MYO1E: variants seen among roughly 807,000 people sequenced by gnomAD.
MYO1E encodes the protein unconventional myosin-Ie.
A neutral mutation model predicts 151.1 loss-of-function variants in MYO1E; 68 were observed. That is an observed-to-expected ratio of 0.45 (90% CI 0.37 to 0.55). The LOEUF (loss-of-function observed/expected upper bound fraction) is 0.55. Among genes scored for constraint, MYO1E ranks in the 20% least tolerant of loss-of-function variants. The pLI is 0.00. For missense variants in MYO1E, 1,363 were observed against 1,389.3 expected (o/e 0.98, Z 0.30); for synonymous variants, 601 against 501.7 (o/e 1.20, Z -2.64).
At position 59,133,892 on chromosome 15, in the gene MYO1E, G is replaced by C. The variant is rs1439864584; in HGVS notation, c.*3488C>G. 6.6e-6 allele frequency: 1 copy of C among 152,260 alleles called. No homozygotes were observed. The allele number at this position is 152,260 out of a possible 1,614,324, so 9.4% of individuals were successfully genotyped here. Reference sequence around the variant, plus strand: ...AGGGTCTGGGGATGAGTTCAGGAGGGAGTCGCAAAGAGAAGGAATTTAGAT... The same window carrying C: ...AGGGTCTGGGGATGAGTTCAGGAGGCAGTCGCAAAGAGAAGGAATTTAGAT... On this transcript the variant is annotated 3_prime_UTR_variant, in exon 28 of 28. Transcript: ENST00000288235.
At chr15:59,137,585 C>T (rs2079381056) in intron 27 of MYO1E, 129 bp from the exon 28 acceptor site, 2 of 797,062 alleles carry the variant, frequency 2.5e-6, no homozygotes, top group East Asian at 2.6e-5. Context: ...TTCTTTAAAT[C>T]AAAAAGTTTG....
Position 59,207,898 on chromosome 15 carries a change from C to T in MYO1E, c.1530+783G>A, listed in dbSNP as rs878975762. On this transcript the variant is annotated intron_variant, in intron 14 of 27. Transcript: ENST00000288235. ...TATTTTGAAGAATCTTAGGAGAATA[C>T]ATCCAGTTTCCACCATAATTAAGGG... The T allele has an allele frequency of 6.2e-7, 1 of 1,614,120 alleles. No homozygotes were observed. Among genetic ancestry groups the T allele is most frequent in the South Asian group, 1.1e-5 (1 of 91,078 alleles).
At chr15:59,368,980 G>T (rs7173362) in intron 1 of MYO1E, among the ~76,000 whole-genome samples, 1 of 152,016 alleles carries the variant, frequency 6.6e-6, no homozygotes, top group Non-Finnish European at 1.5e-5. Flanking sequence ...TTTCCCCAAC[G>T]CTTTGCCTCC....
chr15:59,372,390 C>A, intron 1 of MYO1E, 108 bp downstream of exon 1: 1 of 1,384,008 alleles, frequency 7.2e-7, no homozygotes, highest in Non-Finnish European at 9.9e-7. Flanking sequence ...CCGCGTCCAC[C>A]TTCTCCACCC....
At chr15:59,213,696 A>G (rs995564150) in intron 12 of MYO1E, among the ~76,000 whole-genome samples, 1 of 151,886 alleles carries the variant, frequency 6.6e-6, no homozygotes, top group South Asian at 2.1e-4. Flanking sequence ...CCCGGGCTCA[A>G]GCAATTCTCC....
At chr15:59,366,947 A>G (rs1315244066) in intron 1 of MYO1E, among the ~76,000 whole-genome samples, 1 of 150,788 alleles carries the variant, frequency 6.6e-6, no homozygotes, top group Non-Finnish European at 1.5e-5. Context: ...CTCACCATTA[A>G]GAAACATTTT....
chr15:59,158,512 C>A, intron 24 of MYO1E, 133 bp from the exon 25 acceptor site: 2 of 730,128 alleles, frequency 2.7e-6, no homozygotes, highest in Non-Finnish European at 4.9e-6. Context: ...AGAACAGTTG[C>A]AGTGGAGAAG....
chr15:59,236,711 A>T, intron 4 of MYO1E, 39 bp from the exon 5 acceptor site: 1 of 1,519,846 alleles, frequency 6.6e-7, no homozygotes, highest in Non-Finnish European at 9.1e-7. Context: ...TGAGAAGTGG[A>T]TTGCGACCAG....
chr15:59,252,453 GC>G (rs2080170490), intron 4 of MYO1E, among the ~76,000 whole-genome samples: 1 of 152,156 alleles, frequency 6.6e-6, no homozygotes. Flanking sequence ...AGTGGCTCAT[GC>G]CTGTAATCCT....
intron 1 of MYO1E, among the ~76,000 whole-genome samples, chr15:59,354,384 T>C (rs2080842191): frequency 1.3e-5 from 2 of 152,160 alleles, no homozygotes; most frequent in African/African-American, 4.8e-5. Context: ...ATTCTGAAAG[T>C]CCGTATCACC....
intron 4 of MYO1E, among the ~76,000 whole-genome samples, chr15:59,242,156 G>A (rs1319470655): frequency 6.6e-6 from 1 of 152,264 alleles, no homozygotes; most frequent in Non-Finnish European, 1.5e-5. Flanking sequence ...CGACAAACTT[G>A]CCTTTACCTA....
chr15:59,184,381 C>G (rs1259241217), intron 18 of MYO1E, among the ~76,000 whole-genome samples: 5 of 151,842 alleles, frequency 3.3e-5, no homozygotes, highest in African/African-American at 1.2e-4. Context: ...TTTTGAGACA[C>G]AGTCTTGCTC....
In MYO1E at chr15:59,208,711, T is replaced by G; in HGVS notation, c.1500A>C (p.Gln500His). Residue 500 changes from glutamine to histidine, a missense_variant, in exon 14 of 28, where the codon CAA (glutamine) becomes CAC (histidine). Coordinates refer to ENST00000288235, the MANE Select transcript of MYO1E (RefSeq NM_004998.4). ...GSHEHFNSWNQGFIIHHYAGK... is the reference protein window; with the variant it reads ...GSHEHFNSWNHGFIIHHYAGK... ...CAGCATAATGATGAATGATGAAGCC[T>G]TGGTTCCAACTGTTGAAGTGCTCAT... The G allele has an allele frequency of 6.2e-7, 1 of 1,614,232 alleles. No individual in the cohort carries two copies. The highest frequency in any genetic ancestry group is 8.5e-7 in the Non-Finnish European group (1 of 1,180,038).
At chr15:59,181,117 A>G (rs1872742) in intron 18 of MYO1E, among the ~76,000 whole-genome samples, 138,303 of 152,118 alleles carry the variant, frequency 0.91, 62,938 homozygotes, top group East Asian at 0.97. Context: ...CAGCCAGGAG[A>G]ACGCTCTCCA....
chr15:59,206,692 T>C, intron 14 of MYO1E: 1 of 526,816 alleles, frequency 1.9e-6, no homozygotes. Context: ...GATAATACTC[T>C]TAGCAAAACT....
At chr15:59,234,385 CAGA>C (rs2080049369) in intron 5 of MYO1E, among the ~76,000 whole-genome samples, 1 of 152,138 alleles carries the variant, frequency 6.6e-6, no homozygotes, top group South Asian at 2.1e-4. Context: ...CTCTCCCTGA[CAGA>C]AGCTGTCGTT....
chr15:59,268,369 G>C (rs1158747770), intron 2 of MYO1E, among the ~76,000 whole-genome samples: 2 of 152,168 alleles, frequency 1.3e-5, no homozygotes, highest in Non-Finnish European at 2.9e-5. Context: ...TAGTGGTCAA[G>C]TAACTCATTT....
chr15:59,202,480 G>A (rs1596362835), intron 15 of MYO1E, 73 bp from the exon 16 acceptor site: 2 of 1,412,842 alleles, frequency 1.4e-6, no homozygotes, highest in Non-Finnish European at 2.0e-6. Context: ...CTTTCTAGAG[G>A]ATGGGGTGAA....
At chr15:59,274,495 C>G (rs1278411961) in intron 1 of MYO1E, among the ~76,000 whole-genome samples, 1 of 152,162 alleles carries the variant, frequency 6.6e-6, no homozygotes, top group Non-Finnish European at 1.5e-5. Flanking sequence ...GCACAGAAAA[C>G]TAGGGTCCCA....
Sources: allele counts gnomAD v4.1 joint callset (sites outside exome capture counted in the v4.1 genomes callset), GRCh38; gene constraint gnomAD v4.1.1; transcripts MANE v1.5; gene names NCBI Gene and HGNC (gene_info 2026-07-23, HGNC 2026-07-21).